The following ITGA1 variants were observed in gnomAD, a reference collection of about 807,000 sequenced individuals.
ITGA1 encodes the protein integrin alpha-1.
A neutral mutation model predicts 145.9 loss-of-function variants in ITGA1; 85 were observed. The ratio of observed to expected loss-of-function variants is 0.58; its 90% CI spans 0.49 to 0.70. The LOEUF is 0.70. Ranked by LOEUF, ITGA1 falls within the 30% of genes least tolerant of loss-of-function variation. The probability of loss-of-function intolerance (pLI) is 0.00; values close to 1 mark genes in which losing one functional copy is unlikely to be tolerated. For synonymous variants in ITGA1, 520 were observed against 495.3 expected (o/e 1.05, Z -0.66); for missense variants, 1,351 against 1,418.7 (o/e 0.95, Z 0.77).
intron 1 of ITGA1, chr5:52,825,160 A>C (rs1054364927): frequency 6.6e-6 from 1 of 152,140 alleles, no homozygotes; most frequent in Non-Finnish European, 1.5e-5. Context: ...TCCTATTAAC[A>C]TGCCGCTTTA....
At chr5:52,802,151 G>T (rs912819566) in intron 1 of ITGA1, 5 of 216,764 alleles carry the variant, frequency 2.3e-5, no homozygotes, top group Non-Finnish European at 4.6e-5. Flanking sequence ...GCAGTATATT[G>T]TTTGGGATAG....
intron 24 of ITGA1, among the ~76,000 whole-genome samples, chr5:52,938,561 G>T (rs774274045): frequency 6.6e-6 from 1 of 152,052 alleles, no homozygotes; most frequent in Non-Finnish European, 1.5e-5. Flanking sequence ...AAAAAAGCAG[G>T]TTTGTGAAAA....
chr5:52,924,610 C>T lies in ITGA1; in HGVS notation c.2404-668C>T, dbSNP rs568592726. On this transcript the variant is annotated intron_variant, in intron 18 of 28. Coordinates refer to ENST00000282588, the MANE Select transcript of ITGA1 (RefSeq NM_181501.2). ...AAGGTTTTTATTTGGTTCAGCCACA[C>T]GACAGGATGCAGCAGAGTGAAGAGT... Among the ~76,000 whole-genome samples, 21 of 152,126 alleles carry T rather than the reference C, an allele frequency of 1.4e-4. 1 individual carries two copies. The highest frequency in any genetic ancestry group is 2.4e-4 in the Non-Finnish European group (16 of 68,038).
rs199607873 is a variant in ITGA1, at chr5:52,801,668, A to T, written c.61+13254A>T. On this transcript the variant is annotated intron_variant, in intron 1 of 28. Transcript: ENST00000282588. ...CAGGATGTAGCCACACGGAGCCGGT[A>T]TGTGAGGCTGGTGGACAGTGTGAAA... 108 of 1,614,034 alleles carry T rather than the reference A, an allele frequency of 6.7e-5. 1 individual carries two copies. The highest frequency in any genetic ancestry group is 1.6e-4 in the Middle Eastern group (1 of 6,084).
rs193120989 is a variant in ITGA1 at position 52,837,733 on chromosome 5, G to T, written c.62-11632G>T. ...GACTAATGGAAAGAATGTAAAAGATGATGCTACTAGATAGAAATAGAGTTT... is the reference window on the plus strand; with the variant it reads ...GACTAATGGAAAGAATGTAAAAGATTATGCTACTAGATAGAAATAGAGTTT... On this transcript the variant is annotated intron_variant, in intron 1 of 28. Transcript: ENST00000282588. 2.8e-3 allele frequency among the ~76,000 whole-genome samples: 426 copies of T among 151,980 alleles called. 1 individual carries two copies. Among genetic ancestry groups the T allele is most frequent in the Non-Finnish European group, 4.0e-3 (275 of 67,978 alleles).
chr5:52,925,722 T>A (rs1750795740), intron 19 of ITGA1, among the ~76,000 whole-genome samples: 1 of 152,208 alleles, frequency 6.6e-6, no homozygotes, highest in Admixed American at 6.5e-5. Flanking sequence ...AGCTCATGTA[T>A]AAAAACTGTG....
At chr5:52,911,632 CTATATATAGTGTATCTACTATATATACTA>C (rs1750539420) in intron 14 of ITGA1, among the ~76,000 whole-genome samples, 17 of 60,348 alleles carry the variant, frequency 2.8e-4, no homozygotes, top group African/African-American at 1.5e-3. Flanking sequence ...ACTATATATA[CTATATATAGTGTATCTACTATATATACTA>C]TACATATAGT....
chr5:52,878,129 T>C (rs2111798365), intron 6 of ITGA1, among the ~76,000 whole-genome samples: 1 of 152,066 alleles, frequency 6.6e-6, no homozygotes, highest in African/African-American at 2.4e-5. Context: ...TGGATCAGGG[T>C]GATGGGGAGC....
chr5:52,918,334 C>T (rs1750679381), intron 15 of ITGA1, among the ~76,000 whole-genome samples: 1 of 152,154 alleles, frequency 6.6e-6, no homozygotes, highest in Admixed American at 6.5e-5. Flanking sequence ...CAAGGACAGA[C>T]AATATTACAG....
chr5:52,905,644 T>C, intron 11 of ITGA1, 119 bp from the exon 12 acceptor site: 1 of 853,792 alleles, frequency 1.2e-6, no homozygotes, highest in African/African-American at 1.7e-5. Context: ...AGAAAAAATA[T>C]TATTTTCAAA....
chr5:52,888,728 C>T (rs1750095613), intron 8 of ITGA1, among the ~76,000 whole-genome samples: 2 of 152,220 alleles, frequency 1.3e-5, no homozygotes, highest in Non-Finnish European at 2.9e-5. Flanking sequence ...TTCAAAACAG[C>T]TTGCAGTTCT....
At chr5:52,888,408 C>T (rs1216043817) in intron 8 of ITGA1, among the ~76,000 whole-genome samples, 4 of 152,170 alleles carry the variant, frequency 2.6e-5, no homozygotes, top group Non-Finnish European at 5.9e-5. Flanking sequence ...CATTGGGCTT[C>T]CCTTCCCCGT....
chr5:52,806,687 ATAAC>A (rs1420365345), intron 1 of ITGA1, among the ~76,000 whole-genome samples: 4 of 152,152 alleles, frequency 2.6e-5, no homozygotes, highest in Non-Finnish European at 5.9e-5. Context: ...AATCTGTAAA[ATAAC>A]TATTTTGCAG....
intron 8 of ITGA1, among the ~76,000 whole-genome samples, chr5:52,891,296 G>A (rs1579701533): frequency 7.8e-6 from 1 of 128,832 alleles, no homozygotes; most frequent in Admixed American, 8.9e-5. Context: ...CACACCTCCT[G>A]TAGTAACCAC....
chr5:52,893,433 A>C (rs1303860124), intron 8 of ITGA1, among the ~76,000 whole-genome samples: 6 of 152,204 alleles, frequency 3.9e-5, no homozygotes, highest in Admixed American at 3.9e-4. Flanking sequence ...CAAGAGGAGA[A>C]ATTTTCACAG....
chr5:52,924,930 GA>G (rs1416905635), intron 18 of ITGA1, among the ~76,000 whole-genome samples: 1 of 152,152 alleles, frequency 6.6e-6, no homozygotes, highest in Non-Finnish European at 1.5e-5. Context: ...TTAATTTTAA[GA>G]GAAAAATCTC....
At chr5:52,791,066 G>C (rs1748228449) in intron 1 of ITGA1, among the ~76,000 whole-genome samples, 1 of 152,136 alleles carries the variant, frequency 6.6e-6, no homozygotes, top group South Asian at 2.1e-4. Context: ...CTTCCTATTT[G>C]ATTTAGACTG....
At chr5:52,838,880 C>T (rs919087424) in intron 1 of ITGA1, among the ~76,000 whole-genome samples, 6 of 152,066 alleles carry the variant, frequency 3.9e-5, no homozygotes, top group South Asian at 2.1e-4. Context: ...GCGGATCACT[C>T]GAGCCCAGGA....
chr5:52,934,153 T>G (rs754622987), intron 23 of ITGA1, among the ~76,000 whole-genome samples, 157 bp downstream of exon 23: 29 of 150,452 alleles, frequency 1.9e-4, no homozygotes, highest in African/African-American at 6.8e-4. Flanking sequence ...TATAGACATA[T>G]AATATATAAA....
Sources: allele counts gnomAD v4.1 joint callset (sites outside exome capture counted in the v4.1 genomes callset), GRCh38; gene constraint gnomAD v4.1.1; transcripts MANE v1.5; gene names NCBI Gene and HGNC (gene_info 2026-07-23, HGNC 2026-07-21).